The following RIF1 variants were observed in gnomAD, a reference collection of about 807,000 sequenced individuals.
The protein encoded by RIF1 is replication timing regulatory factor 1.
Under a neutral mutation model 247.1 loss-of-function variants are expected in RIF1, and 45 were observed. The observed-to-expected ratio is 0.18, with a 90% CI of 0.14 to 0.23. The LOEUF is 0.23. RIF1 is among the 10% of genes least tolerant of loss of function. The pLI, the probability that RIF1 is intolerant of heterozygous loss-of-function variation, is 1.00. For synonymous variants in RIF1, 1,087 were observed against 978.8 expected (o/e 1.11, Z -2.06); for missense variants, 2,967 against 2,862.5 (o/e 1.04, Z -0.83).
chr2:151,445,855 A>G (rs1051126858), intron 19 of RIF1, among the ~76,000 whole-genome samples: 3 of 151,890 alleles, frequency 2.0e-5, no homozygotes, highest in Non-Finnish European at 4.4e-5. Context: ...AATTTCTAAA[A>G]TAAGACTTCT....
At chr2:151,414,413 C>T (rs1686840625) in intron 3 of RIF1, among the ~76,000 whole-genome samples, 1 of 152,096 alleles carries the variant, frequency 6.6e-6, no homozygotes, top group Non-Finnish European at 1.5e-5. Flanking sequence ...CATTCTAACC[C>T]CTTCCTTCTC....
chr2:151,455,093 C>G lies in RIF1; in HGVS notation c.2543C>G (p.Pro848Arg). The G allele has an allele frequency of 6.2e-7, 1 of 1,613,060 alleles. No homozygotes were observed. The highest frequency in any genetic ancestry group is 8.5e-7 in the Non-Finnish European group (1 of 1,179,420). The part of the protein sequence containing the change: ...ISSVLGHISL[P>R]SMIRKIFATL... ...AGTGTACTTGGGCATATTTCTTTGC[C>G]TTCTATGATCCGAAAAATATTTGCA... Residue 848 changes from proline (P) to arginine (R), a missense_variant, in exon 22 of 36, where the codon CCT becomes CGT. Coordinates refer to ENST00000444746, the MANE Select transcript of RIF1 (RefSeq NM_018151.5).
At chr2:151,501,538 G>C in intron 11 of RIF1, 3 of 1,014,080 alleles carry the variant, frequency 3.0e-6, no homozygotes, top group Non-Finnish European at 4.0e-6. Context: ...TTTTTAGGTA[G>C]ACTTAACCTA....
rs761561195 is a variant in RIF1 at position 151,464,078 on chromosome 2, G to C, written c.4558G>C (p.Asp1520His). 1 of 1,613,136 alleles carries C rather than the reference G, an allele frequency of 6.2e-7. No homozygotes were observed. The highest frequency in any genetic ancestry group is 1.7e-4 in the Middle Eastern group (1 of 6,054). Residue 1520 changes from aspartate to histidine, a missense_variant, in exon 30 of 36, where the codon GAC becomes CAC. Physicochemically the swap from Asp to His is moderately conservative, Grantham distance 81. Around this residue, in one of 7 missense-constraint regions of RIF1, gnomAD observed 2,028 missense variants for 1,825.6 expected, o/e 1.11. Coordinates refer to ENST00000444746, the MANE Select transcript of RIF1 (RefSeq NM_018151.5). ...NIKSEGDGTQ[D>H]IVDKSSEKLV... ...TAAGTCTGAGGGGGATGGTACCCAGGACATTGTAGATAAGTCCTCTGAGAA... is the reference window on the plus strand; with the variant it reads ...TAAGTCTGAGGGGGATGGTACCCAGCACATTGTAGATAAGTCCTCTGAGAA...
rs759292954 is a variant in RIF1 at position 151,464,276 on chromosome 2, G to C, written c.4756G>C (p.Glu1586Gln). The C allele has an allele frequency of 6.2e-7, 1 of 1,613,752 alleles. No individual in the cohort carries two copies. Among genetic ancestry groups the C allele is most frequent in the Admixed American group, 1.7e-5 (1 of 59,980 alleles). The change falls in exon 30 of 36, where the codon GAA becomes CAA. Residue 1586 changes from glutamate to glutamine, a missense_variant. This residue lies in a region of RIF1 where 2,028 missense variants were observed against 1,825.6 expected (regional missense o/e 1.11). Transcript: ENST00000444746. ...TGAAAGTGTTGACATTCAAGATCAA[G>C]AAGAGAAAGTGGTGAAACAGGAATG... ...SNESVDIQDQ[E>Q]EKVVKQECIK...
At chr2:151,435,298 T>G (rs563936499) in intron 10 of RIF1, among the ~76,000 whole-genome samples, 165 bp from the exon 11 acceptor site, 43 of 152,348 alleles carry the variant, frequency 2.8e-4, no homozygotes, top group African/African-American at 1.0e-3. Flanking sequence ...AGTTGTAATG[T>G]TCATATTTTT....
intron 8 of RIF1, 151 bp downstream of exon 8, chr2:151,423,193 C>T: frequency 1.7e-6 from 1 of 585,134 alleles, no homozygotes; most frequent in East Asian, 3.4e-5. Flanking sequence ...ATTTGTAAAT[C>T]TGAAACCAGT....
chr2:151,489,299 C>T (rs1455241887), intron 9 of RIF1, among the ~76,000 whole-genome samples: 1 of 152,096 alleles, frequency 6.6e-6, no homozygotes, highest in African/African-American at 2.4e-5. Flanking sequence ...GTGAAGTAGT[C>T]TGGTGAACTG....
intron 14 of RIF1, 45 bp from the exon 15 acceptor site, chr2:151,439,972 CAAAAAAAAAA>C (rs1165450117): frequency 1.0e-4 from 28 of 276,670 alleles, no homozygotes; most frequent in African/African-American, 1.6e-4. Flanking sequence ...GACCCTGTCT[CAAAAAAAAAA>C]AAAAAAAAAA....
the RIF1 span, chr2:151,524,348 A>G: frequency 1.2e-6 from 2 of 1,613,844 alleles, no homozygotes; most frequent in Non-Finnish European, 8.5e-7. Context: ...GGCCATTTCT[A>G]TGTCTGGGCG....
intron 22 of RIF1, among the ~76,000 whole-genome samples, chr2:151,456,262 T>C (rs887859301): frequency 7.9e-5 from 12 of 152,232 alleles, no homozygotes; most frequent in African/African-American, 2.9e-4. Flanking sequence ...TCCATGAACT[T>C]TTCTTTGCAA....
intron 25 of RIF1, 31 bp from the exon 26 acceptor site, chr2:151,459,969 T>G: frequency 6.7e-7 from 1 of 1,482,068 alleles, no homozygotes; most frequent in Non-Finnish European, 9.1e-7. Context: ...CCGTTCTATT[T>G]AATGAAATTG....
chr2:151,453,054 T>C (rs1384328428), intron 21 of RIF1, among the ~76,000 whole-genome samples: 2 of 152,170 alleles, frequency 1.3e-5, no homozygotes, highest in African/African-American at 4.8e-5. Flanking sequence ...GTGACTTACA[T>C]TGTGATGATT....
At chr2:151,435,760 G>GTTTTTTTTTT in intron 11 of RIF1, among the ~76,000 whole-genome samples, 180 bp downstream of exon 11, 1 of 148,828 alleles carries the variant, frequency 6.7e-6, no homozygotes, top group African/African-American at 2.5e-5. Context: ...ATGTTTTTCT[G>GTTTTTTTTTT]TTTTTTGTTT....
At chr2:151,486,022 C>T, downstream of RIF1, 5 of 1,331,178 alleles carry the variant, frequency 3.8e-6, no homozygotes, top group South Asian at 1.3e-5. Flanking sequence ...TCATGACTGA[C>T]TCCACAAACT....
At chr2:151,467,726 A>G (rs1385703414) in intron 30 of RIF1, among the ~76,000 whole-genome samples, 2 of 152,162 alleles carry the variant, frequency 1.3e-5, no homozygotes, top group Non-Finnish European at 2.9e-5. Flanking sequence ...TTTAACTGCC[A>G]CATCTGGCTT....
chr2:151,482,361 T>C (rs1233243101), downstream of RIF1, among the ~76,000 whole-genome samples: 3 of 152,172 alleles, frequency 2.0e-5, no homozygotes, highest in African/African-American at 7.2e-5. Flanking sequence ...GTTTTCTGAT[T>C]TATGCATAGT....
chr2:151,518,941 T>C, the RIF1 span: 6 of 1,545,170 alleles, frequency 3.9e-6, no homozygotes, highest in African/African-American at 4.1e-5. Flanking sequence ...ACAAGCTGTT[T>C]CTGGAGCAAA....
intron 29 of RIF1, 89 bp downstream of exon 29, chr2:151,462,555 C>T: frequency 1.2e-6 from 1 of 823,604 alleles, no homozygotes; most frequent in Admixed American, 2.6e-5. Context: ...GTAGGTCTTC[C>T]CTTTATTAAT....
Sources: allele counts gnomAD v4.1 joint callset (sites outside exome capture counted in the v4.1 genomes callset), GRCh38; gene constraint gnomAD v4.1.1; regional missense constraint gnomAD v4.1.1; transcripts MANE v1.5; gene names NCBI Gene and HGNC (gene_info 2026-07-23, HGNC 2026-07-21).